The following PCDHGA9 variants were observed in gnomAD, a reference collection of about 807,000 sequenced individuals.
The protein encoded by PCDHGA9 is protocadherin gamma-A9.
PCDHGA9 carries 37 observed loss-of-function variants against 62.5 expected under a neutral mutation model. The observed-to-expected ratio is 0.59, with a 90% CI of 0.46 to 0.78. The LOEUF (loss-of-function observed/expected upper bound fraction) is 0.78. Ranked by LOEUF, PCDHGA9 falls within the 30% of genes least tolerant of loss-of-function variation. PCDHGA9 has a pLI of 0.00. For missense variants in PCDHGA9, 1,138 were observed against 1,166.2 expected (o/e 0.98, Z 0.35); for synonymous variants, 459 against 484.6 (o/e 0.95, Z 0.69).
At chr5:141,423,250 G>T in intron 1 of PCDHGA9, 1 of 1,613,954 alleles carries the variant, frequency 6.2e-7, no homozygotes, top group Non-Finnish European at 8.5e-7. Context: ...AGTCCTGGCG[G>T]ACCTCGGCAG....
In PCDHGA9 at chr5:141,474,958, C is replaced by T. The variant is rs114469479; in HGVS notation, c.2425-19849C>T. On this transcript the variant is annotated intron_variant, in intron 1 of 3. Transcript: ENST00000573521. ...CACAGTGGACTCTTTTATTCACTAT[C>T]CTAATCATTATAATTTTGTTTGGTG... is the stretch of plus-strand genomic sequence containing the variant. Among the ~76,000 whole-genome samples the T allele has an allele frequency of 4.4e-3, 666 of 152,340 alleles. 6 individuals are homozygous for T. The highest frequency in any genetic ancestry group is 0.015 in the African/African-American group (634 of 41,572).
intron 2 of PCDHGA9, among the ~76,000 whole-genome samples, chr5:141,501,184 C>T (rs1209222790): frequency 6.6e-6 from 1 of 152,002 alleles, no homozygotes; most frequent in Non-Finnish European, 1.5e-5. Context: ...CATTTTAACA[C>T]AATTAAATTC....
rs768206517 is a variant in PCDHGA9, at chr5:141,432,482, G to A, written c.2424+27106G>A. 10 of 1,614,060 alleles carry A rather than the reference G, an allele frequency of 6.2e-6. No homozygotes were observed. The highest frequency in any genetic ancestry group is 1.3e-5 in the African/African-American group (1 of 74,946). On this transcript the variant is annotated intron_variant, in intron 1 of 3. Coordinates refer to ENST00000573521, the MANE Select transcript of PCDHGA9 (RefSeq NM_018921.3). The surrounding 1 kb of genome is among the most constrained non-coding windows in gnomAD (Gnocchi z 6.0). ...CCTCCCCACGGACGGTTCCACTGGC[G>A]TGGAGCTGGCTCCCCGCTCCGCAGA...
chr5:141,423,174 C>T (rs1203454000), intron 1 of PCDHGA9: 1 of 1,613,484 alleles, frequency 6.2e-7, no homozygotes, highest in South Asian at 1.1e-5. Flanking sequence ...CCGTCCAGGA[C>T]CACGGCCAGC....
At chr5:141,406,702 A>G (rs1430662433) in intron 1 of PCDHGA9, among the ~76,000 whole-genome samples, 1 of 152,242 alleles carries the variant, frequency 6.6e-6, no homozygotes. Context: ...TCTATAGTAT[A>G]TGCTTGCTCA....
In PCDHGA9 at chr5:141,432,143, C is replaced by G; in HGVS notation, c.2424+26767C>G. 2 of 1,614,084 alleles carry G rather than the reference C, an allele frequency of 1.2e-6. No homozygotes were observed. Among genetic ancestry groups the G allele is most frequent in the Non-Finnish European group, 1.7e-6 (2 of 1,180,006 alleles). Reference sequence around the variant, plus strand: ...TCAGGCCTCCTATTCCGCTTATATCCCAGAGAACAATCCCAGAGGAGTTTC... The same window carrying G: ...TCAGGCCTCCTATTCCGCTTATATCGCAGAGAACAATCCCAGAGGAGTTTC... On this transcript the variant is annotated intron_variant, in intron 1 of 3. Coordinates refer to ENST00000573521, the MANE Select transcript of PCDHGA9 (RefSeq NM_018921.3). This position sits in a 1 kb window ranked among gnomAD's most constrained non-coding sequence, Gnocchi z 6.0.
chr5:141,420,308 T>C (rs1486910909), intron 1 of PCDHGA9: 3 of 1,457,838 alleles, frequency 2.1e-6, no homozygotes, highest in Non-Finnish European at 9.2e-7. Context: ...ATCCTTTTTA[T>C]ATTACAATAT....
At chr5:141,413,065 T>A (rs2095601710) in intron 1 of PCDHGA9, 2 of 1,159,986 alleles carry the variant, frequency 1.7e-6, no homozygotes, top group African/African-American at 3.1e-5. Flanking sequence ...CTCCAGAATT[T>A]AAAGTGCCCA....
chr5:141,408,871 T>C, intron 1 of PCDHGA9: 2 of 1,612,784 alleles, frequency 1.2e-6, no homozygotes, highest in Non-Finnish European at 1.7e-6. Flanking sequence ...CACCAAGAAG[T>C]GCCACCGCTC....
At chr5:141,456,702 C>T (rs1185842343) in intron 1 of PCDHGA9, among the ~76,000 whole-genome samples, 1 of 152,062 alleles carries the variant, frequency 6.6e-6, no homozygotes, top group Non-Finnish European at 1.5e-5. Flanking sequence ...TGGTGGCTCG[C>T]GCCTGTAATC....
chr5:141,433,357 G>GCCTA, intron 1 of PCDHGA9: 1 of 569,056 alleles, frequency 1.8e-6, no homozygotes, highest in Non-Finnish European at 3.1e-6. Context: ...CCTACTGTCT[G>GCCTA]CCTATCTATC....
rs774992336 is a variant in PCDHGA9, at chr5:141,409,845, T to G, written c.2424+4469T>G. The G allele has an allele frequency of 7.4e-6, 12 of 1,611,748 alleles. No homozygotes were observed. In the African/African-American group the frequency reaches 1.6e-4, roughly 22 times the overall value. On this transcript the variant is annotated intron_variant, in intron 1 of 3. Coordinates refer to ENST00000573521, the MANE Select transcript of PCDHGA9 (RefSeq NM_018921.3). ...CCCACGCTCAGCGCCAACGTGAGCCTGCGCGTGTTGGTGGGAGACCGCAAT... is the reference window on the plus strand; with the variant it reads ...CCCACGCTCAGCGCCAACGTGAGCCGGCGCGTGTTGGTGGGAGACCGCAAT...
At chr5:141,434,223 A>G (rs1164673241) in intron 1 of PCDHGA9, among the ~76,000 whole-genome samples, 1 of 152,214 alleles carries the variant, frequency 6.6e-6, no homozygotes, top group Non-Finnish European at 1.5e-5. Context: ...TAAACAAAGT[A>G]CGATTTCTGG....
chr5:141,506,896 T>C (rs1417106112), intron 3 of PCDHGA9, among the ~76,000 whole-genome samples: 3 of 152,158 alleles, frequency 2.0e-5, no homozygotes, highest in African/African-American at 7.2e-5. Flanking sequence ...CAAGAAGCAC[T>C]GTCATCACAC....
chr5:141,427,991 C>T (rs748924488), intron 1 of PCDHGA9: 1 of 1,599,024 alleles, frequency 6.3e-7, no homozygotes, highest in Non-Finnish European at 8.6e-7. Context: ...GGCCCGATGG[C>T]TCCGCACTCT....
At chr5:141,414,788 C>T in intron 1 of PCDHGA9, 1 of 1,614,222 alleles carries the variant, frequency 6.2e-7, no homozygotes, top group Non-Finnish European at 8.5e-7. Flanking sequence ...CAGGTGACAG[C>T]CAGCGACAGC....
chr5:141,506,870 G>A (rs2099856877), intron 3 of PCDHGA9, among the ~76,000 whole-genome samples: 1 of 152,166 alleles, frequency 6.6e-6, no homozygotes, highest in East Asian at 1.9e-4. Flanking sequence ...GGTGGGTAGA[G>A]AACCAGGTGA....
At chr5:141,427,938 G>A in intron 1 of PCDHGA9, 1 of 1,584,968 alleles carries the variant, frequency 6.3e-7, no homozygotes, top group South Asian at 1.1e-5. Context: ...GTTGGTGGGC[G>A]ACCTCAATGA....
At chr5:141,415,904 C>T in intron 1 of PCDHGA9, 1 of 833,428 alleles carries the variant, frequency 1.2e-6, no homozygotes, top group Non-Finnish European at 1.6e-6. Context: ...AGACAGACTT[C>T]CATACAGAAG....
Sources: allele counts gnomAD v4.1 joint callset (sites outside exome capture counted in the v4.1 genomes callset), GRCh38; gene constraint gnomAD v4.1.1; non-coding constraint Gnocchi (gnomAD v3.1); transcripts MANE v1.5; gene names NCBI Gene and HGNC (gene_info 2026-07-23, HGNC 2026-07-21).